PTPRK: variants seen among roughly 807,000 people sequenced by gnomAD.
The protein encoded by PTPRK is receptor-type tyrosine-protein phosphatase kappa.
PTPRK carries 75 observed loss-of-function variants against 178.0 expected under a neutral mutation model. The ratio of observed to expected loss-of-function variants is 0.42; its 90% CI spans 0.35 to 0.51. The LOEUF (loss-of-function observed/expected upper bound fraction) is 0.51, where lower values mean the gene tolerates loss of function less well. Among genes scored for constraint, PTPRK ranks in the 20% least tolerant of loss-of-function variants. The probability of loss-of-function intolerance (pLI) is 0.02; values close to 1 mark genes in which losing one functional copy is unlikely to be tolerated. For missense variants in PTPRK, 1,441 were observed against 1,797.8 expected, an observed-to-expected ratio of 0.80 and a Z score of 3.59; for synonymous variants, 637 against 620.6, an observed-to-expected ratio of 1.03 and a Z score of -0.39.
chr6:128,186,694 G>C (rs1355222680), intron 6 of PTPRK, among the ~76,000 whole-genome samples: 2 of 152,074 alleles, frequency 1.3e-5, no homozygotes, highest in Non-Finnish European at 2.9e-5. Flanking sequence ...GACAGAGCTA[G>C]ACATTTCATA....
At chr6:128,068,546 T>C (rs1181043599) in intron 11 of PTPRK, among the ~76,000 whole-genome samples, 1 of 151,974 alleles carries the variant, frequency 6.6e-6, no homozygotes, top group East Asian at 1.9e-4. Flanking sequence ...TGCAATTACT[T>C]TACAAAGGAG....
rs1774679456 is a variant in PTPRK at position 127,977,007 on chromosome 6, T to G, written c.3759A>C (p.Pro1253=). 1 of 1,613,944 alleles carries G rather than the reference T, an allele frequency of 6.2e-7. No homozygotes were observed. Among genetic ancestry groups the G allele is most frequent in the Non-Finnish European group, 8.5e-7 (1 of 1,179,956 alleles). ...ATCTCCAGAAGTCTTTTACAGTGTT[T>G]GGCAGAGGGTATTGTGTGACGATGA... ...AAFIVTQYPL[P]NTVKDFWRLV... is the part of the protein sequence containing the mutation. Residue 1253 remains proline (P), a synonymous_variant, in exon 26 of 30, where the codon CCA becomes CCC. Coordinates refer to ENST00000368226, the MANE Select transcript of PTPRK (RefSeq NM_002844.4).
At chr6:128,364,211 A>T (rs1473036182) in intron 2 of PTPRK, among the ~76,000 whole-genome samples, 1 of 152,104 alleles carries the variant, frequency 6.6e-6, no homozygotes, top group Non-Finnish European at 1.5e-5. Context: ...ATATAACAAA[A>T]TTCTAACAAA....
chr6:128,433,626 C>T (rs1845127218), intron 1 of PTPRK, among the ~76,000 whole-genome samples: 1 of 151,962 alleles, frequency 6.6e-6, no homozygotes, highest in East Asian at 1.9e-4. Context: ...AGTGATACTC[C>T]CACCTCAGCC....
chr6:128,084,374 G>A (rs1452866426), intron 8 of PTPRK, among the ~76,000 whole-genome samples: 2 of 152,072 alleles, frequency 1.3e-5, no homozygotes, highest in Non-Finnish European at 2.9e-5. Context: ...TAAATGTTCT[G>A]TAATTTTAAA....
At chr6:128,256,504 G>A (rs773083172) in intron 3 of PTPRK, among the ~76,000 whole-genome samples, 3 of 150,812 alleles carry the variant, frequency 2.0e-5, no homozygotes, top group Non-Finnish European at 4.4e-5. Flanking sequence ...GTGCAGTGGC[G>A]ATCTTGGCTC....
chr6:128,473,409 T>G (rs1186171868), intron 1 of PTPRK, among the ~76,000 whole-genome samples: 2 of 136,250 alleles, frequency 1.5e-5, no homozygotes, highest in African/African-American at 5.3e-5. Flanking sequence ...TTACTATTTT[T>G]TTTTTTTTTT....
intron 1 of PTPRK, among the ~76,000 whole-genome samples, chr6:128,470,799 A>C (rs1850543066): frequency 7.6e-6 from 1 of 131,196 alleles, no homozygotes; most frequent in Non-Finnish European, 1.6e-5. Context: ...CCTGCAAACT[A>C]TTACAAGTCT....
chr6:128,075,757 C>T (rs764400244), intron 11 of PTPRK, among the ~76,000 whole-genome samples: 27 of 151,946 alleles, frequency 1.8e-4, no homozygotes, highest in Non-Finnish European at 8.8e-5. Flanking sequence ...CTCTATATAA[C>T]AAGATTTTCT....
In PTPRK at chr6:128,005,177, C is replaced by G; in HGVS notation, c.2401G>C (p.Ala801Pro). The change falls in exon 15 of 30, where the codon GCA becomes CCA. Residue 801 changes from alanine (A) to proline (P), a missense_variant. Ala to Pro is a conservative substitution (Grantham distance 27, BLOSUM62 -1). This residue lies in a region of PTPRK where 945 missense variants were observed against 1,080.6 expected (regional missense o/e 0.87). Coordinates refer to ENST00000368226, the MANE Select transcript of PTPRK (RefSeq NM_002844.4). Reference sequence around the variant, plus strand: ...TGATCAGCATAACTTCGATCCATTGCATTCACCATGTGAGTCATCTCCTGC... The same window carrying G: ...TGATCAGCATAACTTCGATCCATTGGATTCACCATGTGAGTCATCTCCTGC... ...TRQEMTHMVN[A>P]MDRSYADQST... The G allele has an allele frequency of 6.2e-7, 1 of 1,611,810 alleles. No homozygotes were observed. Among genetic ancestry groups the G allele is most frequent in the Non-Finnish European group, 8.5e-7 (1 of 1,178,632 alleles).
intron 3 of PTPRK, among the ~76,000 whole-genome samples, chr6:128,318,365 A>G (rs978583067): frequency 8.5e-5 from 13 of 152,198 alleles, no homozygotes; most frequent in Admixed American, 3.3e-4. Flanking sequence ...ATATACATTA[A>G]TATAACCCCT....
chr6:127,997,163 T>C (rs1777253199), intron 16 of PTPRK, among the ~76,000 whole-genome samples, 175 bp from the exon 17 acceptor site: 1 of 152,088 alleles, frequency 6.6e-6, no homozygotes, highest in Non-Finnish European at 1.5e-5. Flanking sequence ...TTCATACTTG[T>C]TCATCTTAAA....
At chr6:128,085,060 G>C (rs1349035486) in intron 8 of PTPRK, 1 of 152,148 alleles carries the variant, frequency 6.6e-6, no homozygotes, top group East Asian at 1.9e-4. Flanking sequence ...ACGAGAGCAG[G>C]ATTTATTTCA....
At chr6:128,235,627 T>C (rs755593070) in intron 5 of PTPRK, 7 of 482,542 alleles carry the variant, frequency 1.5e-5, no homozygotes, top group East Asian at 6.3e-5. Flanking sequence ...ATTTCAGAAA[T>C]AAACCATTCA....
chr6:128,227,271 A>G (rs1487849522), intron 5 of PTPRK, among the ~76,000 whole-genome samples: 1 of 152,190 alleles, frequency 6.6e-6, no homozygotes, highest in African/African-American at 2.4e-5. Context: ...AAACCATGCA[A>G]TTTATAGAGT....
chr6:128,312,992 T>C (rs758049126), intron 3 of PTPRK, among the ~76,000 whole-genome samples: 8 of 152,148 alleles, frequency 5.3e-5, no homozygotes, highest in Non-Finnish European at 7.4e-5. Context: ...AGAAAGTGTA[T>C]GCATATAAAA....
At chr6:128,280,325 T>A (rs1177505789) in intron 3 of PTPRK, among the ~76,000 whole-genome samples, 1 of 152,170 alleles carries the variant, frequency 6.6e-6, no homozygotes, top group Non-Finnish European at 1.5e-5. Context: ...AATGAGCTCC[T>A]AGTAGCTTCT....
chr6:128,307,811 G>A (rs1826654421), intron 3 of PTPRK, among the ~76,000 whole-genome samples: 1 of 152,044 alleles, frequency 6.6e-6, no homozygotes, highest in South Asian at 2.1e-4. Context: ...AATACCAAGG[G>A]TTACTCAGCA....
At chr6:128,134,784 A>G (rs1479885006) in intron 7 of PTPRK, among the ~76,000 whole-genome samples, 1 of 152,166 alleles carries the variant, frequency 6.6e-6, no homozygotes, top group East Asian at 1.9e-4. Context: ...AGCCTGGGTG[A>G]CAGAGTAAGA....
Sources: allele counts gnomAD v4.1 joint callset (sites outside exome capture counted in the v4.1 genomes callset), GRCh38; gene constraint gnomAD v4.1.1; regional missense constraint gnomAD v4.1.1; transcripts MANE v1.5; gene names NCBI Gene and HGNC (gene_info 2026-07-23, HGNC 2026-07-21).